Variants in FGF12 observed in about 807,000 individuals in gnomAD.
FGF12 encodes the protein fibroblast growth factor 12.
In FGF12, 14 loss-of-function variants were observed where a neutral mutation model predicts 23.6. The observed-to-expected ratio is 0.59, with a 90% confidence interval of 0.39 to 0.93. The LOEUF (loss-of-function observed/expected upper bound fraction) is 0.93, where lower values mean the gene tolerates loss of function less well. Among genes scored for constraint, FGF12 ranks in the 40% least tolerant of loss-of-function variants. The pLI, the probability that FGF12 is intolerant of heterozygous loss-of-function variation, is 0.00. For missense variants in FGF12, 175 were observed against 217.8 expected (o/e 0.80, Z 1.24); for synonymous variants, 62 against 77.3 (o/e 0.80, Z 1.04).
chr3:192,389,184 AC>A (rs1720187056), intron 2 of FGF12, among the ~76,000 whole-genome samples: 1 of 152,126 alleles, frequency 6.6e-6, no homozygotes, highest in Non-Finnish European at 1.5e-5. Context: ...ACATGGCGAA[AC>A]CCCATCTCTA....
At chr3:192,696,512 A>G (rs748017810) in intron 2 of FGF12, among the ~76,000 whole-genome samples, 3 of 152,110 alleles carry the variant, frequency 2.0e-5, no homozygotes, top group African/African-American at 4.8e-5. Context: ...AAGCTAGTAC[A>G]TTGCAGGCAT....
Position 192,408,407 on chromosome 3 carries a change from G to A in FGF12, c.14-47869C>T, listed in dbSNP as rs1656600978. On this transcript the variant is annotated intron_variant, in intron 2 of 5. Transcript: ENST00000445105. This position sits in a 1 kb window ranked among gnomAD's most constrained non-coding sequence, Gnocchi z 7.3. The stretch of plus-strand genomic sequence containing the variant: ...CAAGGTTAGTCAAAGTCTGGGCAGT[G>A]GCGACAAAATGTGTGAAAATCCAGA... 1 of 1,405,508 alleles carries A rather than the reference G, an allele frequency of 7.1e-7. No homozygotes were observed. Among genetic ancestry groups the A allele is most frequent in the Non-Finnish European group, 9.2e-7 (1 of 1,085,558 alleles). The allele number at this position is 1,405,508 out of a possible 1,614,324, so 87.1% of individuals were successfully genotyped here.
At chr3:192,521,009 G>T (rs1045840288) in intron 2 of FGF12, among the ~76,000 whole-genome samples, 2 of 152,114 alleles carry the variant, frequency 1.3e-5, no homozygotes, top group African/African-American at 2.4e-5. Flanking sequence ...GTGCCTCCAG[G>T]GTAGCCTCCT....
At chr3:192,243,654 G>A (rs1227001668) in intron 4 of FGF12, among the ~76,000 whole-genome samples, 1 of 151,646 alleles carries the variant, frequency 6.6e-6, no homozygotes, top group Non-Finnish European at 1.5e-5. Flanking sequence ...GAATAGGAAG[G>A]TATTCCTCAG....
intron 2 of FGF12, among the ~76,000 whole-genome samples, chr3:192,593,445 T>C (rs1439255731): frequency 6.6e-6 from 1 of 151,960 alleles, no homozygotes; most frequent in Non-Finnish European, 1.5e-5. Flanking sequence ...GTTTATTTGC[T>C]GATATATGCT....
chr3:192,627,622 A>G (rs1715219023), intron 2 of FGF12, among the ~76,000 whole-genome samples: 1 of 152,170 alleles, frequency 6.6e-6, no homozygotes, highest in African/African-American at 2.4e-5. Flanking sequence ...GAAAAATACT[A>G]ACAGTTTTCT....
chr3:192,201,403 C>A (rs1253863700), intron 4 of FGF12, among the ~76,000 whole-genome samples: 2 of 152,202 alleles, frequency 1.3e-5, no homozygotes, highest in Non-Finnish European at 2.9e-5. Flanking sequence ...GACACCTACT[C>A]TACAGGTCTT....
chr3:192,347,532 A>T (rs1718021027), intron 3 of FGF12, among the ~76,000 whole-genome samples: 1 of 152,126 alleles, frequency 6.6e-6, no homozygotes, highest in African/African-American at 2.4e-5. Context: ...ACGTCTCAGT[A>T]GGGCTTTTCT....
chr3:192,181,366 CACACACACACAG>C (rs998613308), intron 4 of FGF12, among the ~76,000 whole-genome samples: 9 of 137,318 alleles, frequency 6.6e-5, no homozygotes, highest in South Asian at 4.4e-4. Context: ...CACACACAGA[CACACACACACAG>C]ACACACACAC....
At chr3:192,383,353 T>G (rs1208325675) in intron 2 of FGF12, among the ~76,000 whole-genome samples, 2 of 152,122 alleles carry the variant, frequency 1.3e-5, no homozygotes, top group Non-Finnish European at 2.9e-5. Flanking sequence ...TGCTGTTGTG[T>G]GTACCCTTTA....
chr3:192,173,422 C>T (rs920450039), intron 4 of FGF12, among the ~76,000 whole-genome samples: 1 of 142,272 alleles, frequency 7.0e-6, no homozygotes, highest in African/African-American at 2.5e-5. Context: ...ACTGGCTCTT[C>T]GAAGGCCTTG....
chr3:192,417,981 G>A (rs1721407259), intron 2 of FGF12, among the ~76,000 whole-genome samples: 1 of 151,946 alleles, frequency 6.6e-6, no homozygotes, highest in South Asian at 2.1e-4. Context: ...GACAGACAAA[G>A]GAAGAAATCC....
chr3:192,714,854 G>GA (rs1236833562), intron 2 of FGF12, among the ~76,000 whole-genome samples: 1 of 152,150 alleles, frequency 6.6e-6, no homozygotes, highest in African/African-American at 2.4e-5. Context: ...TTTTCGAAAG[G>GA]TTATTTTCAA....
intron 2 of FGF12, among the ~76,000 whole-genome samples, chr3:192,668,857 T>C (rs769215515): frequency 2.3e-4 from 35 of 151,840 alleles, no homozygotes; most frequent in Non-Finnish European, 3.8e-4. Context: ...ATAGAGAAAA[T>C]AGATAAATCT....
chr3:192,668,587 G>T (rs1299310231), intron 2 of FGF12, among the ~76,000 whole-genome samples: 1 of 152,116 alleles, frequency 6.6e-6, no homozygotes, highest in African/African-American at 2.4e-5. Flanking sequence ...CAGGGTCTGC[G>T]TGGTACACAG....
intron 2 of FGF12, among the ~76,000 whole-genome samples, chr3:192,537,219 T>C (rs983828979): frequency 2.0e-5 from 3 of 152,242 alleles, no homozygotes; most frequent in African/African-American, 7.2e-5. Flanking sequence ...GACATTTCAG[T>C]TGCCTCAAAA....
chr3:192,449,586 C>A (rs181217751), intron 2 of FGF12, among the ~76,000 whole-genome samples: 3 of 152,284 alleles, frequency 2.0e-5, no homozygotes, highest in African/African-American at 7.2e-5. Flanking sequence ...CCCATTCCTA[C>A]AGACGAAGGC....
chr3:192,303,569 C>A (rs1041401248), intron 4 of FGF12, among the ~76,000 whole-genome samples: 2 of 152,300 alleles, frequency 1.3e-5, no homozygotes, highest in African/African-American at 4.8e-5. Context: ...CATTCCCATG[C>A]ACCAGGGACT....
chr3:192,306,060 CTG>C (rs1715635005), intron 4 of FGF12, among the ~76,000 whole-genome samples: 1 of 151,932 alleles, frequency 6.6e-6, no homozygotes, highest in Non-Finnish European at 1.5e-5. Flanking sequence ...CGGGGTTTCA[CTG>C]TGTTAGCCAG....
Sources: allele counts gnomAD v4.1 joint callset (sites outside exome capture counted in the v4.1 genomes callset), GRCh38; gene constraint gnomAD v4.1.1; non-coding constraint Gnocchi (gnomAD v3.1); transcripts MANE v1.5; gene names NCBI Gene and HGNC (gene_info 2026-07-23, HGNC 2026-07-21).